The following USP25 variants were observed in gnomAD, a reference collection of about 807,000 sequenced individuals.
USP25 encodes the protein ubiquitin specific peptidase 25.
A neutral mutation model predicts 158.5 loss-of-function variants in USP25; 85 were observed. The observed-to-expected ratio is 0.54, with a 90% CI of 0.45 to 0.64. USP25 has a LOEUF of 0.64. Among genes scored for constraint, USP25 ranks in the 30% least tolerant of loss-of-function variants. The probability of loss-of-function intolerance (pLI) is 0.00; values close to 1 mark genes in which losing one functional copy is unlikely to be tolerated. For missense variants in USP25, 1,242 were observed against 1,327.3 expected (o/e 0.94, Z 1.00); for synonymous variants, 464 against 460.4 (o/e 1.01, Z -0.10).
chr21:15,877,055 TAA>T (rs972538537), intron 24 of USP25: 1 of 152,212 alleles, frequency 6.6e-6, no homozygotes, highest in African/African-American at 2.4e-5. Context: ...TTTTTATAGA[TAA>T]GTTTTATTGA....
At chr21:15,831,256 CT>C in intron 15 of USP25, 144 bp from the exon 16 acceptor site, 1 of 698,416 alleles carries the variant, frequency 1.4e-6, no homozygotes, top group Non-Finnish European at 2.4e-6. Flanking sequence ...TTTTTTCAAA[CT>C]TTTAAGCCCA....
At chr21:15,744,198 C>G (rs980288907) in intron 1 of USP25, 1 of 152,592 alleles carries the variant, frequency 6.6e-6, no homozygotes, top group Non-Finnish European at 1.5e-5. Context: ...GCCACTCCCT[C>G]AGGTCATGGG....
intron 5 of USP25, among the ~76,000 whole-genome samples, chr21:15,798,394 TTC>T (rs1435125684): frequency 2.6e-5 from 4 of 151,356 alleles, no homozygotes; most frequent in African/African-American, 9.7e-5. Context: ...CTCGTTTTTC[TTC>T]TGTGATTTCC....
rs933555585 is a variant in USP25 at position 15,843,538 on chromosome 21, G to T, written c.2337+998G>T. Among the ~76,000 whole-genome samples, 8 of 152,102 alleles carry T rather than the reference G, an allele frequency of 5.3e-5. No individual in the cohort carries two copies. On this transcript the variant is annotated intron_variant, in intron 18 of 25. Transcript: ENST00000400183. The surrounding 1 kb of genome is among the most constrained non-coding windows in gnomAD (Gnocchi z 4.0). ...AATTATTTTTTGTTTGAACAATTTT[G>T]AAAATGTATTAATATATCATCTTAT...
intron 17 of USP25, among the ~76,000 whole-genome samples, chr21:15,840,522 C>T (rs1250181728): frequency 6.6e-6 from 1 of 151,956 alleles, no homozygotes; most frequent in East Asian, 1.9e-4. Context: ...GGTTCAACTC[C>T]CGTGACAACG....
chr21:15,805,237 C>G lies in USP25; in HGVS notation c.759C>G (p.Phe253Leu). 6.2e-7 allele frequency: 1 copy of G among 1,602,330 alleles called. No individual in the cohort carries two copies. Among genetic ancestry groups the G allele is most frequent in the Non-Finnish European group, 8.5e-7 (1 of 1,176,026 alleles). Residue 253 changes from phenylalanine to leucine, a missense_variant, in exon 7 of 26, where the codon TTC becomes TTG. By Grantham distance (22) the Phe-to-Leu change is conservative. Around this residue, in one of 3 missense-constraint regions of USP25, gnomAD observed 627 missense variants for 701.4 expected, o/e 0.89. Transcript: ENST00000400183. ...SRAVEILKDA[F>L]KSNDSQQQDV... is the part of the protein sequence containing the mutation. ...CAGTTGAAATTCTTAAGGATGCTTT[C>G]AAATCAAATGACTCACAGCAGGTAG...
At chr21:15,878,279 A>G in intron 25 of USP25, 24 bp from the exon 26 acceptor site, 2 of 1,594,744 alleles carry the variant, frequency 1.3e-6, no homozygotes, top group Non-Finnish European at 1.7e-6. Context: ...ATCTTTAGTT[A>G]GATTTAATTG....
intron 1 of USP25, among the ~76,000 whole-genome samples, chr21:15,737,275 A>G (rs574246098): frequency 6.6e-6 from 1 of 152,238 alleles, no homozygotes; most frequent in East Asian, 1.9e-4. Context: ...GTGGTCAGAT[A>G]GTTTACAAAG....
In USP25 at chr21:15,830,540, A is replaced by C; in HGVS notation, c.1703A>C (p.Glu568Ala). Reference sequence around the variant, plus strand: ...CACCTTATATCCTTAGATTTGCAGGAAAGCATATCCAGAATCCATCGAACA... The same window carrying C: ...CACCTTATATCCTTAGATTTGCAGGCAAGCATATCCAGAATCCATCGAACA... ...EIENDTRDLQ[E>A]SISRIHRTIE... is the part of the protein sequence containing the mutation. Residue 568 changes from glutamate to alanine, a missense_variant, in exon 15 of 26, where the codon GAA becomes GCA. Around this residue, in one of 3 missense-constraint regions of USP25, gnomAD observed 627 missense variants for 701.4 expected, o/e 0.89. Coordinates refer to ENST00000400183, the MANE Select transcript of USP25 (RefSeq NM_001283041.3). The C allele has an allele frequency of 6.2e-7, 1 of 1,604,768 alleles. No homozygotes were observed. Among genetic ancestry groups the C allele is most frequent in the South Asian group, 1.1e-5 (1 of 88,764 alleles).
At chr21:15,851,217 C>T (rs1336346570) in intron 20 of USP25, among the ~76,000 whole-genome samples, 1 of 151,668 alleles carries the variant, frequency 6.6e-6, no homozygotes, top group Non-Finnish European at 1.5e-5. Flanking sequence ...CAGATTGGGT[C>T]TTCTTATGTT....
rs1228388730 is a variant in USP25, at chr21:15,766,512, T to G, written c.268+371T>G. On this transcript the variant is annotated intron_variant, in intron 3 of 25. Coordinates refer to ENST00000400183, the MANE Select transcript of USP25 (RefSeq NM_001283041.3). The surrounding 1 kb of genome is among the most constrained non-coding windows in gnomAD (Gnocchi z 4.0). ...TTGAGGTTAAAGTATTATTTCTAAT[T>G]ACTGATAGGTTTACCATTTAATAAA... is the stretch of plus-strand genomic sequence containing the variant. 6.6e-6 allele frequency among the ~76,000 whole-genome samples: 1 copy of G among 152,014 alleles called. No homozygotes were observed. Among genetic ancestry groups the G allele is most frequent in the East Asian group, 1.9e-4 (1 of 5,190 alleles).
chr21:15,794,159 G>A (rs2035739580), intron 5 of USP25, among the ~76,000 whole-genome samples: 1 of 151,600 alleles, frequency 6.6e-6, no homozygotes, highest in African/African-American at 2.4e-5. Context: ...AGTTATAGAA[G>A]TTTGCTAGTA....
Position 15,805,152 on chromosome 21 carries a change from T to G in USP25, c.674T>G (p.Leu225Arg). 6.2e-7 allele frequency: 1 copy of G among 1,604,182 alleles called. No homozygotes were observed. The highest frequency in any genetic ancestry group is 8.5e-7 in the Non-Finnish European group (1 of 1,176,172). Residue 225 changes from leucine to arginine, a missense_variant, in exon 7 of 26, where the codon CTG becomes CGG. Transcript: ENST00000400183. Reference sequence around the variant, plus strand: ...CGGAATTTGCCTTTTATGCGTGAGCTGAGGTATCTATTTGCACTTCTTGTT... The same window carrying G: ...CGGAATTTGCCTTTTATGCGTGAGCGGAGGTATCTATTTGCACTTCTTGTT... The part of the protein sequence containing the change: ...EHRNLPFMRE[L>R]RYLFALLVGT...
chr21:15,751,978 A>C (rs540079114), intron 1 of USP25, among the ~76,000 whole-genome samples: 1 of 152,216 alleles, frequency 6.6e-6, no homozygotes, highest in Non-Finnish European at 1.5e-5. Context: ...CTTGTTGCGC[A>C]GGTTGGAGTA....
chr21:15,824,061 C>T lies in USP25; in HGVS notation c.1103C>T (p.Pro368Leu), dbSNP rs1347192871. 2.5e-6 allele frequency: 4 copies of T among 1,613,166 alleles called. No individual in the cohort carries two copies. Among genetic ancestry groups the T allele is most frequent in the Non-Finnish European group, 3.4e-6 (4 of 1,179,586 alleles). The change falls in exon 11 of 26, where the codon CCT becomes CTT. Residue 368 changes from proline to leucine, a missense_variant. Pro to Leu is a moderately conservative substitution (Grantham distance 98). Around this residue, in one of 3 missense-constraint regions of USP25, gnomAD observed 627 missense variants for 701.4 expected, o/e 0.89. Transcript: ENST00000400183. ...CAGCATTGGTTTACTGAATTACCAC[C>T]TGTGTTAACATTTGAATTGTCAAGA... The part of the protein sequence containing the change: ...GQEHWFTELP[P>L]VLTFELSRFE...
intron 1 of USP25, among the ~76,000 whole-genome samples, chr21:15,730,976 G>GTTT (rs748732727): frequency 0.025 from 1,341 of 53,680 alleles, 133 homozygotes; most frequent in Non-Finnish European, 0.035. Flanking sequence ...CTTCTTTTCT[G>GTTT]TTTTTTTTTT....
At chr21:15,821,775 T>TC (rs1194192249) in intron 10 of USP25, among the ~76,000 whole-genome samples, 3 of 151,932 alleles carry the variant, frequency 2.0e-5, no homozygotes, top group Non-Finnish European at 4.4e-5. Flanking sequence ...GTGTGTTTTT[T>TC]CTGTTGTTTT....
chr21:15,782,323 T>C (rs1410125704), intron 4 of USP25, among the ~76,000 whole-genome samples: 3 of 152,186 alleles, frequency 2.0e-5, no homozygotes, highest in Admixed American at 6.5e-5. Context: ...ACTGGAGGAT[T>C]GTGCACAGCT....
chr21:15,811,383 G>A (rs868165997), intron 9 of USP25, among the ~76,000 whole-genome samples, 173 bp downstream of exon 9: 23 of 152,236 alleles, frequency 1.5e-4, no homozygotes, highest in Non-Finnish European at 1.8e-4. Context: ...TTGAATGAAG[G>A]AAAAGGAATG....
Sources: gnomAD v4.1 joint callset for allele counts (sites outside exome capture counted in the v4.1 genomes callset) on GRCh38, gnomAD v4.1.1 for gene constraint, gnomAD v4.1.1 regional missense constraint, Gnocchi (gnomAD v3.1) non-coding constraint, MANE v1.5 for transcripts, NCBI Gene and HGNC (gene_info 2026-07-23, HGNC 2026-07-21) for gene names.